Variants in CCDC73 observed in about 807,000 individuals in gnomAD.
CCDC73 encodes the protein coiled-coil domain-containing protein 73.
A neutral mutation model predicts 116.5 loss-of-function variants in CCDC73; 95 were observed. The ratio of observed to expected loss-of-function variants is 0.82; its 90% confidence interval spans 0.69 to 0.97. The LOEUF (loss-of-function observed/expected upper bound fraction) is 0.97. CCDC73 is among the 50% of genes least tolerant of loss of function. CCDC73 has a pLI of 0.00. For synonymous variants in CCDC73, 398 were observed against 401.3 expected (o/e 0.99, Z 0.10); for missense variants, 1,066 against 1,206.8 (o/e 0.88, Z 1.73).
chr11:32,730,044 C>T (rs183374038), intron 2 of CCDC73, among the ~76,000 whole-genome samples: 286 of 152,250 alleles, frequency 1.9e-3, no homozygotes, highest in Admixed American at 5.2e-3. Flanking sequence ...TTATGTTACG[C>T]ATTTGTGAAA....
chr11:32,613,886 T>C lies in CCDC73; in HGVS notation c.2432A>G (p.Asn811Ser). 6.2e-7 allele frequency: 1 copy of C among 1,613,276 alleles called. No individual in the cohort carries two copies. The highest frequency in any genetic ancestry group is 8.5e-7 in the Non-Finnish European group (1 of 1,179,898). Residue 811 changes from asparagine to serine, a missense_variant, in exon 16 of 18, where the codon AAT (asparagine) becomes AGT (serine). Coordinates refer to ENST00000335185, the MANE Select transcript of CCDC73 (RefSeq NM_001008391.4). ...AGTTACCTGATTCTCATCAATCTGA[T>C]TCTTTTTATTGGAAAACTCTGTTTC... is the stretch of plus-strand genomic sequence containing the variant. ...CTETEFSNKK[N>S]QIDENQVTEA...
chr11:32,820,271 A>G, the CCDC73 span, among the ~76,000 whole-genome samples: 1 of 151,992 alleles, frequency 6.6e-6, no homozygotes, highest in Non-Finnish European at 1.5e-5. Flanking sequence ...CTCCCACCTC[A>G]GTCTCCCAAG....
intron 2 of CCDC73, among the ~76,000 whole-genome samples, chr11:32,724,796 G>A (rs1850017138): frequency 6.6e-6 from 1 of 152,100 alleles, no homozygotes. Flanking sequence ...GAATTCTGAA[G>A]GAAGGTGTCT....
At chr11:32,804,935 C>A in the CCDC73 span, among the ~76,000 whole-genome samples, 3 of 152,162 alleles carry the variant, frequency 2.0e-5, no homozygotes, top group Non-Finnish European at 2.9e-5. Flanking sequence ...AAAATTAGTT[C>A]AGAATATAGA....
intron 9 of CCDC73, among the ~76,000 whole-genome samples, chr11:32,663,168 C>T (rs1267020700): frequency 2.6e-5 from 4 of 152,004 alleles, no homozygotes; most frequent in East Asian, 1.9e-4. Context: ...CTTGGCAATG[C>T]GTGTCTTTTT....
rs1434736769 is a variant in CCDC73 at position 32,699,726 on chromosome 11, G to A, written c.316-401C>T. Among the ~76,000 whole-genome samples the A allele has an allele frequency of 2.6e-5, 4 of 152,138 alleles. No individual in the cohort carries two copies. The East Asian group carries it at 5.8e-4, about 22-fold the overall frequency. On this transcript the variant is annotated intron_variant, in intron 5 of 17. Transcript: ENST00000335185. ...AGGGGAACATCACACACCGGGGCCT[G>A]TTGTGGGGTGGGGGGAGCGGAGAGG...
At chr11:32,739,685 A>G (rs1565089735) in intron 2 of CCDC73, among the ~76,000 whole-genome samples, 1 of 152,022 alleles carries the variant, frequency 6.6e-6, no homozygotes, top group Non-Finnish European at 1.5e-5. Flanking sequence ...GATGCCCTTT[A>G]TTTATTCTTG....
chr11:32,830,110 A>C, the CCDC73 span: 1 of 993,136 alleles, frequency 1.0e-6, no homozygotes, highest in Non-Finnish European at 1.2e-6. Flanking sequence ...CTGGCGGCCG[A>C]AGGAACCGCC....
chr11:32,626,730 T>C (rs1029290757), intron 14 of CCDC73, among the ~76,000 whole-genome samples: 1 of 152,194 alleles, frequency 6.6e-6, no homozygotes, highest in Non-Finnish European at 1.5e-5. Flanking sequence ...GGGAAAGGAT[T>C]CCCTATTTAA....
chr11:32,673,069 A>G lies in CCDC73; in HGVS notation c.645+2496T>C, dbSNP rs117327265. On this transcript the variant is annotated intron_variant, in intron 9 of 17. Transcript: ENST00000335185. ...ATATATAAAGAACTCTTAAAACTCA[A>G]CAATAAGAAAACAAACAACCCAATT... 7.2e-3 allele frequency among the ~76,000 whole-genome samples: 1,096 copies of G among 152,326 alleles called. 5 individuals are homozygous for G. Among genetic ancestry groups the G allele is most frequent in the Non-Finnish European group, 0.011 (772 of 68,028 alleles).
chr11:32,780,535 G>C (rs1177755879), intron 1 of CCDC73, among the ~76,000 whole-genome samples: 1 of 151,930 alleles, frequency 6.6e-6, no homozygotes, highest in Non-Finnish European at 1.5e-5. Flanking sequence ...TGCAGAAAAA[G>C]TTTTATGTTA....
At chr11:32,778,082 T>G (rs1850552649) in intron 1 of CCDC73, among the ~76,000 whole-genome samples, 2 of 152,178 alleles carry the variant, frequency 1.3e-5, no homozygotes. Flanking sequence ...TGCTTAATAA[T>G]AAAAACATGT....
intron 7 of CCDC73, among the ~76,000 whole-genome samples, chr11:32,678,628 G>A (rs559805456): frequency 5.7e-4 from 87 of 152,160 alleles, no homozygotes; most frequent in Non-Finnish European, 9.1e-4. Context: ...GCTCACGTCT[G>A]TAATCCCAGC....
intron 4 of CCDC73, among the ~76,000 whole-genome samples, chr11:32,702,596 C>T (rs183407722): frequency 5.4e-4 from 83 of 152,316 alleles, no homozygotes; most frequent in Non-Finnish European, 3.1e-4. Flanking sequence ...ATAACACACA[C>T]ATCCCATTCA....
intron 14 of CCDC73, among the ~76,000 whole-genome samples, chr11:32,619,824 G>A (rs572443972): frequency 6.9e-6 from 1 of 144,976 alleles, no homozygotes; most frequent in African/African-American, 2.5e-5. Context: ...AGAAGGAGAA[G>A]GAGAAGAAGA....
chr11:32,616,353 T>G (rs1855474804), intron 14 of CCDC73, among the ~76,000 whole-genome samples: 1 of 152,236 alleles, frequency 6.6e-6, no homozygotes, highest in African/African-American at 2.4e-5. Context: ...AATGGAGATC[T>G]TTATACATTT....
chr11:32,642,314 A>G (rs1048524938), intron 12 of CCDC73, among the ~76,000 whole-genome samples: 2 of 152,036 alleles, frequency 1.3e-5, no homozygotes, highest in African/African-American at 4.8e-5. Context: ...GAGTATAAAA[A>G]CATTGCCATT....
chr11:32,681,512 A>C (rs1856143596), intron 7 of CCDC73: 1 of 152,014 alleles, frequency 6.6e-6, no homozygotes. Flanking sequence ...ACCACCTCTA[A>C]AAGAAAATCA....
chr11:32,695,144 G>A (rs1856297514), intron 6 of CCDC73, among the ~76,000 whole-genome samples: 2 of 152,142 alleles, frequency 1.3e-5, no homozygotes, highest in African/African-American at 4.8e-5. Context: ...CAAGGTGGGT[G>A]GATCACTAGA....
Sources: gnomAD v4.1 joint callset for allele counts (sites outside exome capture counted in the v4.1 genomes callset) on GRCh38, gnomAD v4.1.1 for gene constraint, MANE v1.5 for transcripts, NCBI Gene and HGNC (gene_info 2026-07-23, HGNC 2026-07-21) for gene names.